Variants in PADI2 observed in about 807,000 individuals in gnomAD.
PADI2 encodes the protein protein-arginine deiminase type-2.
In PADI2, 70 loss-of-function variants were observed where a neutral mutation model predicts 81.1. The ratio of observed to expected loss-of-function variants is 0.86; its 90% CI spans 0.71 to 1.05. PADI2 has a LOEUF of 1.05. PADI2 is among the 50% of genes least tolerant of loss of function. The pLI is 0.00. For missense variants in PADI2, 853 were observed against 889.9 expected, an observed-to-expected ratio of 0.96 and a Z score of 0.53; for synonymous variants, 338 against 358.0, an observed-to-expected ratio of 0.94 and a Z score of 0.63.
Position 17,069,198 on chromosome 1 carries a change from T to G in PADI2, c.1844A>C (p.Glu615Ala), listed in dbSNP as rs1422003797. 4 of 1,614,096 alleles carry G rather than the reference T, an allele frequency of 2.5e-6. No homozygotes were observed. Among genetic ancestry groups the G allele is most frequent in the Non-Finnish European group, 3.4e-6 (4 of 1,180,032 alleles). Residue 615 changes from glutamate to alanine, a missense_variant, in exon 16 of 16, where the codon GAG becomes GCG. Physicochemically the swap from Glu to Ala is moderately radical, Grantham distance 107. Transcript: ENST00000375486. The part of the protein sequence containing the change: ...GPQVEEECCL[E>A]MHVRGLLEPL... ...CTCCAGGAGGCCACGCACGTGCATCTCCAGGCAGCATTCCTCCTCAACCTG... is the reference window on the plus strand; with the variant it reads ...CTCCAGGAGGCCACGCACGTGCATCGCCAGGCAGCATTCCTCCTCAACCTG...
Position 17,075,766 on chromosome 1 carries a change from C to T in PADI2, c.1368G>A (p.Val456=), listed in dbSNP as rs1276683895. Residue 456 remains valine, a synonymous_variant, in exon 12 of 16, where the codon GTG becomes GTA. Coordinates refer to ENST00000375486, the MANE Select transcript of PADI2 (RefSeq NM_007365.3). ...CTGAGTAGAGCTCCACGGGCGCCTG[C>T]ACCTGCTGGGCCTTCAGGAAGTCAC... The part of the protein sequence containing the change: ...VVRDFLKAQQ[V]QAPVELYSDW... 2 of 1,613,878 alleles carry T rather than the reference C, an allele frequency of 1.2e-6. No homozygotes were observed. The highest frequency in any genetic ancestry group is 2.7e-5 in the African/African-American group (2 of 74,924).
intron 2 of PADI2, 108 bp downstream of exon 2, chr1:17,104,770 A>T: frequency 1.0e-6 from 1 of 1,004,750 alleles, no homozygotes; most frequent in Non-Finnish European, 1.4e-6. Flanking sequence ...GCAGAACTGA[A>T]AATGACACAT....
intron 1 of PADI2, among the ~76,000 whole-genome samples, chr1:17,112,634 G>A (rs1931625783): frequency 6.6e-6 from 1 of 152,138 alleles, no homozygotes; most frequent in Non-Finnish European, 1.5e-5. Flanking sequence ...CCTGGTGCTC[G>A]GCATGGTGGT....
In PADI2 at chr1:17,100,741, A is replaced by G. The variant is rs183089211; in HGVS notation, c.349+2246T>C. 7.2e-3 allele frequency among the ~76,000 whole-genome samples: 1,074 copies of G among 148,618 alleles called. 9 individuals carry two copies. Among genetic ancestry groups the G allele is most frequent in the Admixed American group, 0.013 (189 of 14,720 alleles). On this transcript the variant is annotated intron_variant, in intron 3 of 15. Coordinates refer to ENST00000375486, the MANE Select transcript of PADI2 (RefSeq NM_007365.3). ...CAGTGGCACCATCTTGGCTCACTGC[A>G]ACCTCCACCTCTTGGGTTCAAGCAA...
chr1:17,105,689 C>T (rs375834996), intron 1 of PADI2, among the ~76,000 whole-genome samples: 16 of 152,098 alleles, frequency 1.1e-4, no homozygotes, highest in Admixed American at 3.9e-4. Flanking sequence ...CCACCACGCC[C>T]GGCTCTTTTT....
chr1:17,097,551 C>T (rs967102562), intron 3 of PADI2, among the ~76,000 whole-genome samples: 6 of 152,176 alleles, frequency 3.9e-5, no homozygotes, highest in African/African-American at 4.8e-5. Context: ...AGCTACTGCT[C>T]CGGGAGCTGT....
chr1:17,087,484 G>GTTTATTTATTTA (rs1440733727), intron 6 of PADI2, among the ~76,000 whole-genome samples: 8 of 78,352 alleles, frequency 1.0e-4, no homozygotes, highest in African/African-American at 1.7e-4. Context: ...TTTTATGTTT[G>GTTTATTTATTTA]TTTGTTTGTT....
At chr1:17,106,435 TC>T (rs1221128475) in intron 1 of PADI2, among the ~76,000 whole-genome samples, 1 of 151,542 alleles carries the variant, frequency 6.6e-6, no homozygotes, top group Non-Finnish European at 1.5e-5. Flanking sequence ...GGGGCAGGCT[TC>T]TTTTTCTTCT....
At chr1:17,103,124 G>GTTGCTTCAGGTTTTCCTGCTT in intron 2 of PADI2, 65 bp from the exon 3 acceptor site, 1 of 1,235,790 alleles carries the variant, frequency 8.1e-7, no homozygotes, top group Non-Finnish European at 1.2e-6. Context: ...ATCACAAGCA[G>GTTGCTTCAGGTTTTCCTGCTT]GAAAACCTGA....
chr1:17,085,377 C>T (rs2078377330), intron 7 of PADI2, among the ~76,000 whole-genome samples: 2 of 152,166 alleles, frequency 1.3e-5, no homozygotes, highest in South Asian at 4.1e-4. Context: ...GCTTGCCTTG[C>T]TTGCCGTGGT....
chr1:17,110,242 T>C (rs1454548115), intron 1 of PADI2, among the ~76,000 whole-genome samples: 6 of 151,868 alleles, frequency 4.0e-5, no homozygotes, highest in Non-Finnish European at 8.8e-5. Flanking sequence ...CAGGACAGTA[T>C]TGAGGGAAAG....
At chr1:17,076,132 T>C (rs12760512) in intron 11 of PADI2, among the ~76,000 whole-genome samples, 91,302 of 152,106 alleles carry the variant, frequency 0.6, 27,825 homozygotes, top group Middle Eastern at 0.7. Context: ...CCTGGCCTGC[T>C]GGACGGGGCT....
At chr1:17,084,033 G>T (rs182900145) in intron 8 of PADI2, among the ~76,000 whole-genome samples, 196 bp from the exon 9 acceptor site, 128 of 152,278 alleles carry the variant, frequency 8.4e-4, no homozygotes, top group Non-Finnish European at 1.3e-3. Flanking sequence ...TGTGGCGTTT[G>T]TCAAGGTCAT....
At chr1:17,110,105 G>A (rs929316453) in intron 1 of PADI2, among the ~76,000 whole-genome samples, 7 of 152,186 alleles carry the variant, frequency 4.6e-5, no homozygotes, top group African/African-American at 1.7e-4. Context: ...GGGGCCCATT[G>A]TGCCCCTGCA....
Position 17,084,687 on chromosome 1 carries a change from G to T in PADI2, c.850C>A (p.Pro284Thr), listed in dbSNP as rs772750414. Residue 284 changes from proline to threonine, a missense_variant, in exon 8 of 16, where the codon CCC becomes ACC. Pro to Thr is a conservative substitution (Grantham distance 38, BLOSUM62 -1). Coordinates refer to ENST00000375486, the MANE Select transcript of PADI2 (RefSeq NM_007365.3). Reference protein sequence around the residue: ...EYMAQDIPLTPIFTDTVIFRI... With the variant: ...EYMAQDIPLTTIFTDTVIFRI... ...AATATCACGGTGTCCGTGAAGATGG[G>T]AGTCAGGGGAATGTCCTGGGTGTGG... is the stretch of plus-strand genomic sequence containing the variant. The T allele has an allele frequency of 3.2e-6, 5 of 1,557,302 alleles. No individual in the cohort carries two copies. Among genetic ancestry groups the T allele is most frequent in the Non-Finnish European group, 4.3e-6 (5 of 1,150,150 alleles).
chr1:17,109,772 T>A (rs577108856), intron 1 of PADI2, among the ~76,000 whole-genome samples: 1 of 152,160 alleles, frequency 6.6e-6, no homozygotes, highest in South Asian at 2.1e-4. Flanking sequence ...ATTACAGGAG[T>A]GAGCCACCAT....
chr1:17,091,295 C>G (rs1212322305), intron 6 of PADI2, among the ~76,000 whole-genome samples: 1 of 149,426 alleles, frequency 6.7e-6, no homozygotes, highest in African/African-American at 2.5e-5. Context: ...CCCTAGGCAG[C>G]TGGGCATGCA....
chr1:17,099,250 G>A (rs1309357945), intron 3 of PADI2, among the ~76,000 whole-genome samples: 1 of 152,154 alleles, frequency 6.6e-6, no homozygotes, highest in African/African-American at 2.4e-5. Context: ...CTCCCCCACA[G>A]CCAATCAGGG....
intron 1 of PADI2, 79 bp from the exon 2 acceptor site, chr1:17,105,140 TC>T: frequency 9.4e-7 from 1 of 1,058,762 alleles, no homozygotes; most frequent in Non-Finnish European, 1.3e-6. Flanking sequence ...GACTCCTGCT[TC>T]CAGCACTTTG....
Sources: allele counts gnomAD v4.1 joint callset (sites outside exome capture counted in the v4.1 genomes callset), GRCh38; gene constraint gnomAD v4.1.1; transcripts MANE v1.5; gene names NCBI Gene and HGNC (gene_info 2026-07-23, HGNC 2026-07-21).